The following STAU2 variants were observed in gnomAD, a reference collection of about 807,000 sequenced individuals.
The protein encoded by STAU2 is staufen double-stranded RNA binding protein 2.
STAU2 carries 20 observed loss-of-function variants against 65.9 expected under a neutral mutation model. The observed-to-expected ratio is 0.30, with a 90% CI of 0.21 to 0.44. The LOEUF (loss-of-function observed/expected upper bound fraction) is 0.44, where lower values mean the gene tolerates loss of function less well. Among genes scored for constraint, STAU2 ranks in the 20% least tolerant of loss-of-function variants. The probability of loss-of-function intolerance (pLI) is 1.00; values close to 1 mark genes in which losing one functional copy is unlikely to be tolerated. For synonymous variants in STAU2, 232 were observed against 233.9 expected, an observed-to-expected ratio of 0.99 and a Z score of 0.07; for missense variants, 558 against 683.9, an observed-to-expected ratio of 0.82 and a Z score of 2.05.
chr8:73,466,297 T>C (rs1018600230), intron 13 of STAU2, among the ~76,000 whole-genome samples: 2 of 152,346 alleles, frequency 1.3e-5, no homozygotes, highest in South Asian at 2.1e-4. Flanking sequence ...TCATTTTTAA[T>C]GTGGCTAGAA....
chr8:73,424,941 T>C (rs1227307084), intron 13 of STAU2, among the ~76,000 whole-genome samples: 2 of 152,026 alleles, frequency 1.3e-5, no homozygotes, highest in South Asian at 4.2e-4. Flanking sequence ...GTTATCATCA[T>C]AATCTCTTTG....
At chr8:73,492,693 T>C (rs1349768471) in intron 13 of STAU2, among the ~76,000 whole-genome samples, 1 of 151,932 alleles carries the variant, frequency 6.6e-6, no homozygotes, top group Middle Eastern at 3.4e-3. Flanking sequence ...AATGCAAAGG[T>C]TGATGGGAGT....
chr8:73,627,581 A>G (rs182098642), intron 6 of STAU2, among the ~76,000 whole-genome samples: 6 of 152,258 alleles, frequency 3.9e-5, no homozygotes, highest in Admixed American at 3.9e-4. Flanking sequence ...ATAAGAAAAA[A>G]TTAGGATTTT....
intron 13 of STAU2, among the ~76,000 whole-genome samples, chr8:73,425,116 C>T (rs1333911552): frequency 6.6e-6 from 1 of 152,120 alleles, no homozygotes; most frequent in Admixed American, 6.6e-5. Flanking sequence ...TGTTATAGGT[C>T]GAATTGTGCT....
intron 1 of STAU2, among the ~76,000 whole-genome samples, 185 bp downstream of exon 1, chr8:73,746,598 C>A (rs930300386): frequency 1.3e-5 from 2 of 152,048 alleles, no homozygotes; most frequent in Non-Finnish European, 2.9e-5. Flanking sequence ...GGTCTCCCCT[C>A]CCCGCTGCTG....
At chr8:73,429,906 G>A (rs1009286427) in intron 13 of STAU2, among the ~76,000 whole-genome samples, 10 of 152,172 alleles carry the variant, frequency 6.6e-5, no homozygotes, top group African/African-American at 1.9e-4. Context: ...CTAGAAAAGG[G>A]GTTGATTGTT....
At chr8:73,535,664 C>T (rs954510092) in intron 13 of STAU2, among the ~76,000 whole-genome samples, 1 of 152,170 alleles carries the variant, frequency 6.6e-6, no homozygotes, top group African/African-American at 2.4e-5. Context: ...AGTGTGCACC[C>T]ATGTTTTGAC....
At chr8:73,545,413 A>T (rs778953318) in intron 13 of STAU2, among the ~76,000 whole-genome samples, 7 of 152,172 alleles carry the variant, frequency 4.6e-5, no homozygotes, top group Non-Finnish European at 1.0e-4. Context: ...TTTTTCAAGT[A>T]TGTGTTTTCT....
At chr8:73,453,857 G>A (rs1818929466) in intron 13 of STAU2, among the ~76,000 whole-genome samples, 1 of 151,984 alleles carries the variant, frequency 6.6e-6, no homozygotes, top group Non-Finnish European at 1.5e-5. Context: ...ATTCCCGGGT[G>A]TGGGTCAGTG....
chr8:73,456,384 A>G (rs1228840121), intron 13 of STAU2, among the ~76,000 whole-genome samples: 1 of 152,250 alleles, frequency 6.6e-6, no homozygotes, highest in Non-Finnish European at 1.5e-5. Flanking sequence ...ACATGGAGAA[A>G]GAATAACTGA....
chr8:73,575,592 G>A (rs1263776050), intron 12 of STAU2, among the ~76,000 whole-genome samples: 1 of 152,082 alleles, frequency 6.6e-6, no homozygotes, highest in Non-Finnish European at 1.5e-5. Context: ...ATATCCATCT[G>A]TGAAAAATTG....
In STAU2 at chr8:73,617,182, C is replaced by G. The variant is rs141851185; in HGVS notation, c.570+110G>C. 8.4e-6 allele frequency: 11 copies of G among 1,317,358 alleles called. No homozygotes were observed. The African/African-American group carries it at 1.3e-4, about 16-fold the overall frequency. 81.6% of individuals were successfully genotyped at this position (1,317,358 alleles called of 1,614,324 possible). A position where few individuals can be genotyped will look rare whatever the true frequency, so the allele number is the denominator to read the frequency against. On this transcript the variant is annotated intron_variant, in intron 7 of 14. Transcript: ENST00000524300. The stretch of plus-strand genomic sequence containing the variant: ...GAAGCAAGACTGTCAGGTCTTCACT[C>G]TAGTATTCTTCCCTATCAGAACAGA...
Position 73,552,169 on chromosome 8 carries a change from G to A in STAU2, c.1373C>T (p.Ser458Leu), listed in dbSNP as rs1470177363. Residue 458 changes from serine to leucine, a missense_variant, in exon 13 of 15, where the codon TCG becomes TTG. Physicochemically the swap from Ser to Leu is moderately radical, Grantham distance 145. Around this residue, in one of 3 missense-constraint regions of STAU2, gnomAD observed 247 missense variants for 270.1 expected, o/e 0.91. Transcript: ENST00000524300. ...CCTGGCAATTGTAGCTGAACTATTC[G>A]ATGTGGGAGATATACTGAAGAAAGA... ...SSSFFSISPTSNSSATIAREL... is the reference protein window; with the variant it reads ...SSSFFSISPTLNSSATIAREL... 25 of 1,613,802 alleles carry A rather than the reference G, an allele frequency of 1.5e-5. No individual in the cohort carries two copies. The highest frequency in any genetic ancestry group is 1.9e-5 in the Non-Finnish European group (22 of 1,179,880).
intron 5 of STAU2, among the ~76,000 whole-genome samples, chr8:73,687,389 A>T (rs1427654075): frequency 6.1e-5 from 8 of 130,910 alleles, no homozygotes; most frequent in African/African-American, 1.2e-4. Flanking sequence ...TATATTTATA[A>T]AAATAATATA....
intron 14 of STAU2, 56 bp downstream of exon 14, chr8:73,422,558 A>G: frequency 7.6e-7 from 1 of 1,316,530 alleles, no homozygotes; most frequent in Non-Finnish European, 1.0e-6. Flanking sequence ...TCTATGTCTT[A>G]TCTTTTGTAC....
intron 12 of STAU2, among the ~76,000 whole-genome samples, chr8:73,562,670 C>T (rs1808314927): frequency 6.6e-6 from 1 of 152,192 alleles, no homozygotes; most frequent in African/African-American, 2.4e-5. Context: ...CCACAAAACA[C>T]TTTCTTACAA....
At chr8:73,515,773 CTTTTTTTTTTTTTTT>C (rs75132374) in intron 13 of STAU2, among the ~76,000 whole-genome samples, 1 of 90,936 alleles carries the variant, frequency 1.1e-5, no homozygotes, top group African/African-American at 4.4e-5. Flanking sequence ...AAAAATTTCT[CTTTTTTTTTTTTTTT>C]TTTTTTTTTT....
At chr8:73,642,287 G>A (rs1815047040) in intron 6 of STAU2, among the ~76,000 whole-genome samples, 1 of 152,274 alleles carries the variant, frequency 6.6e-6, no homozygotes. Context: ...CACTTTATGA[G>A]GCCAAGGTGG....
At chr8:73,629,606 G>C (rs1479957324) in intron 6 of STAU2, among the ~76,000 whole-genome samples, 1 of 152,106 alleles carries the variant, frequency 6.6e-6, no homozygotes, top group African/African-American at 2.4e-5. Context: ...CAGATTTTAG[G>C]CAATGCAAAT....
Sources: allele counts gnomAD v4.1 joint callset (sites outside exome capture counted in the v4.1 genomes callset), GRCh38; gene constraint gnomAD v4.1.1; regional missense constraint gnomAD v4.1.1; transcripts MANE v1.5; gene names NCBI Gene and HGNC (gene_info 2026-07-23, HGNC 2026-07-21).